VSIG10L2: variants seen among roughly 807,000 people sequenced by gnomAD.
VSIG10L2 encodes the protein V-set and immunoglobulin domain-containing protein 10-like 2.
VSIG10L2 carries 56 observed loss-of-function variants against 67.1 expected under a neutral mutation model. That is an observed-to-expected ratio of 0.83 (90% CI 0.67 to 1.04). The LOEUF is 1.04. Among genes scored for constraint, VSIG10L2 ranks in the 50% least tolerant of loss-of-function variants. The pLI is 0.00. For missense variants in VSIG10L2, 843 were observed against 932.8 expected, an observed-to-expected ratio of 0.90 and a Z score of 1.25; for synonymous variants, 360 against 396.6, an observed-to-expected ratio of 0.91 and a Z score of 1.10.
At chr11:125,952,542 T>C (rs1054172453) in intron 6 of VSIG10L2, among the ~76,000 whole-genome samples, 4 of 152,254 alleles carry the variant, frequency 2.6e-5, no homozygotes, top group African/African-American at 7.2e-5. Context: ...TTGACGTGGC[T>C]GGTCACTACA....
chr11:125,951,681 G>A, intron 5 of VSIG10L2, 132 bp from the exon 6 acceptor site: 1 of 869,252 alleles, frequency 1.2e-6, no homozygotes, highest in South Asian at 1.8e-5. Flanking sequence ...AATGATGAGT[G>A]TGTGAATGAG....
rs896954221 is a variant in VSIG10L2 at position 125,948,443 on chromosome 11, G to C, written c.572G>C (p.Gly191Ala). The C allele has an allele frequency of 1.3e-5, 16 of 1,232,470 alleles. No individual in the cohort carries two copies. The highest frequency in any genetic ancestry group is 1.6e-5 in the Non-Finnish European group (16 of 988,212). 76.3% of individuals were successfully genotyped at this position (1,232,470 alleles called of 1,614,324 possible). Residue 191 changes from glycine to alanine, a missense_variant, in exon 3 of 12, where the codon GGA becomes GCA. Physicochemically the swap from Gly to Ala is moderately conservative, Grantham distance 60. Around this residue, in one of 2 missense-constraint regions of VSIG10L2, gnomAD observed 446 missense variants for 548.4 expected, o/e 0.81. Transcript: ENST00000686984. ...AWQHRAPRGL[G>A]EALVGVTEPL... is the part of the protein sequence containing the mutation. ...CAGCATCGGGCACCCCGAGGCCTTG[G>C]AGAGGCCCTGGTGGGGGTCACTGAG...
intron 8 of VSIG10L2, among the ~76,000 whole-genome samples, chr11:125,954,644 G>A (rs1437707001): frequency 6.6e-6 from 1 of 152,146 alleles, no homozygotes; most frequent in African/African-American, 2.4e-5. Context: ...TAGAGAGGAA[G>A]GAAAAGGTGC....
intron 1 of VSIG10L2, 83 bp from the exon 2 acceptor site, chr11:125,947,601 CAA>C: frequency 1.6e-6 from 2 of 1,231,594 alleles, no homozygotes; most frequent in Non-Finnish European, 2.0e-6. Flanking sequence ...ACTGCAGAAC[CAA>C]AAAGAGAGGC....
In VSIG10L2 at chr11:125,955,583, C is replaced by T. The variant is rs1163544903; in HGVS notation, c.2232-32C>T. The T allele has an allele frequency of 4.0e-6, 6 of 1,514,234 alleles. No individual in the cohort carries two copies. In the African/African-American group the frequency reaches 5.5e-5, roughly 14 times the overall value. The allele number at this position is 1,514,234 out of a possible 1,614,324, so 93.8% of individuals were successfully genotyped here. ...AAAGGAAAGCGAGGGAAGTGAGTTG[C>T]CACTAACTTTACTCTCCCACTTCAC... On this transcript the variant is annotated intron_variant, in intron 10 of 11. Transcript: ENST00000686984.
chr11:125,947,070 A>G (rs1055979890), intron 1 of VSIG10L2, among the ~76,000 whole-genome samples: 1 of 152,084 alleles, frequency 6.6e-6, no homozygotes, highest in Non-Finnish European at 1.5e-5. Flanking sequence ...TGGGGGGCTC[A>G]TTTGTCCTTG....
chr11:125,953,855 G>A (rs779468391), intron 7 of VSIG10L2, among the ~76,000 whole-genome samples, 165 bp downstream of exon 7: 5 of 152,206 alleles, frequency 3.3e-5, no homozygotes, highest in Non-Finnish European at 5.9e-5. Flanking sequence ...GGCAACATGC[G>A]CGTGAATCTG....
intron 7 of VSIG10L2, 74 bp from the exon 8 acceptor site, chr11:125,954,013 G>C (rs1346553404): frequency 8.4e-7 from 1 of 1,192,544 alleles, no homozygotes; most frequent in Non-Finnish European, 1.0e-6. Context: ...CTCTTGACAG[G>C]AGCAAATCTG....
chr11:125,954,540 C>T (rs1431005127), intron 8 of VSIG10L2, among the ~76,000 whole-genome samples, 157 bp downstream of exon 8: 1 of 152,192 alleles, frequency 6.6e-6, no homozygotes, highest in Non-Finnish European at 1.5e-5. Flanking sequence ...CCACTCTCCC[C>T]TCAGATAATC....
At position 125,952,005 on chromosome 11, in the gene VSIG10L2, G is replaced by A; in HGVS notation, c.1427G>A (p.Gly476Asp). The stretch of plus-strand genomic sequence containing the variant: ...CTGCAGGCCCAAGAAGATCTGGCTG[G>A]CAGAGAGTTCACCTGCCGGGGCACT... ...HLLQAQEDLAGREFTCRGTHL... is the reference protein window; with the variant it reads ...HLLQAQEDLADREFTCRGTHL... Residue 476 changes from glycine to aspartate, a missense_variant, in exon 6 of 12, where the codon GGC (glycine) becomes GAC (aspartate). By Grantham distance (94) the Gly-to-Asp change is moderately conservative (BLOSUM62 -1). This residue lies in a region of VSIG10L2 where 397 missense variants were observed against 384.4 expected (regional missense o/e 1.03). Coordinates refer to ENST00000686984, the MANE Select transcript of VSIG10L2 (RefSeq NM_001365077.2). The A allele has an allele frequency of 6.5e-7, 1 of 1,536,142 alleles. No individual in the cohort carries two copies. The highest frequency in any genetic ancestry group is 8.7e-7 in the Non-Finnish European group (1 of 1,146,890).
intron 11 of VSIG10L2, 43 bp downstream of exon 11, chr11:125,955,710 A>T (rs1188898600): frequency 6.7e-7 from 1 of 1,492,716 alleles, no homozygotes; most frequent in East Asian, 2.5e-5. Context: ...GTACAAGGAG[A>T]CCAGTGCTGG....
rs1565476629 is a variant in VSIG10L2, at chr11:125,950,912, C to T, written c.988C>T (p.Pro330Ser). ...GCCTCACCCACTTCCCCATCCAGATCCCCCTGAGGGACAGCCCTCCTGTGC... is the reference window on the plus strand; with the variant it reads ...GCCTCACCCACTTCCCCATCCAGATTCCCCTGAGGGACAGCCCTCCTGTGC... ...QTTVQLTIYY[P>S]PEGQPSCAVH... The change falls in exon 5 of 12, where the codon CCC becomes TCC. Residue 330 changes from proline (P) to serine (S), a missense_variant and splice_region_variant. Pro to Ser is a moderately conservative substitution (Grantham distance 74). Coordinates refer to ENST00000686984, the MANE Select transcript of VSIG10L2 (RefSeq NM_001365077.2). 8 of 1,232,590 alleles carry T rather than the reference C, an allele frequency of 6.5e-6. No homozygotes were observed. In the South Asian group the frequency reaches 2.1e-4, roughly 32 times the overall value. The allele number at this position is 1,232,590 out of a possible 1,614,324, so 76.4% of individuals were successfully genotyped here.
Position 125,951,977 on chromosome 11 carries a change from C to T in VSIG10L2, c.1399C>T (p.Leu467Phe), listed in dbSNP as rs1177850652. 6.5e-7 allele frequency: 1 copy of T among 1,535,990 alleles called. No individual in the cohort carries two copies. The highest frequency in any genetic ancestry group is 2.0e-5 in the Admixed American group (1 of 50,984). Residue 467 changes from leucine to phenylalanine, a missense_variant, in exon 6 of 12, where the codon CTC (leucine) becomes TTC (phenylalanine). Physicochemically the swap from Leu to Phe is conservative, Grantham distance 22. This residue lies in a region of VSIG10L2 where 446 missense variants were observed against 548.4 expected (regional missense o/e 0.81). Transcript: ENST00000686984. ...GGSSSSMAVHLLQAQEDLAGR... is the reference protein window; with the variant it reads ...GGSSSSMAVHFLQAQEDLAGR... ...CAGCAGCTCCTCGATGGCCGTTCAC[C>T]TCCTGCAGGCCCAAGAAGATCTGGC...
rs1283437925 is a variant in VSIG10L2, at chr11:125,953,608, G to A, written c.1704G>A (p.Pro568=). 5.7e-6 allele frequency: 7 copies of A among 1,232,060 alleles called. No homozygotes were observed. Among genetic ancestry groups the A allele is most frequent in the African/African-American group, 3.1e-5 (2 of 64,422 alleles). The allele number at this position is 1,232,060 out of a possible 1,614,324, so 76.3% of individuals were successfully genotyped here. A position where few individuals can be genotyped will look rare whatever the true frequency, so the allele number is the denominator to read the frequency against. Residue 568 remains proline (P), a synonymous_variant, in exon 7 of 12, where the codon CCG becomes CCA. Coordinates refer to ENST00000686984, the MANE Select transcript of VSIG10L2 (RefSeq NM_001365077.2). Reference sequence around the variant, plus strand: ...GCCTGGGCATCTACGATGCTGACCCGGCACACCACAGGGGCACCTACCAAT... The same window carrying A: ...GCCTGGGCATCTACGATGCTGACCCAGCACACCACAGGGGCACCTACCAAT... ...QLRLGIYDAD[P]AHHRGTYQCV... is the part of the protein sequence containing the mutation.
intron 7 of VSIG10L2, 119 bp downstream of exon 7, chr11:125,953,809 C>T (rs1945411575): frequency 1.5e-5 from 15 of 996,358 alleles, no homozygotes; most frequent in Non-Finnish European, 1.6e-5. Flanking sequence ...GACGCTTGAG[C>T]TTCCTTGGGC....
At position 125,946,054 on chromosome 11, in the gene VSIG10L2, C is replaced by T; in HGVS notation, c.-2C>T. The T allele has an allele frequency of 2.5e-6, 1 of 399,226 alleles. No homozygotes were observed. Among genetic ancestry groups the T allele is most frequent in the Non-Finnish European group, 4.4e-6 (1 of 226,342 alleles). 24.7% of individuals were successfully genotyped at this position (399,226 alleles called of 1,614,324 possible). A position where few individuals can be genotyped will look rare whatever the true frequency, so the allele number is the denominator to read the frequency against. On this transcript the variant is annotated 5_prime_UTR_variant, in exon 1 of 12. Coordinates refer to ENST00000686984, the MANE Select transcript of VSIG10L2 (RefSeq NM_001365077.2). This position sits in a 1 kb window ranked among gnomAD's most constrained non-coding sequence, Gnocchi z 4.4. ...GTGGGTGGCCATCAGGGAGATGGGG[C>T]CATGGTGGGTCAGAGGGCCCAGCAC...
Position 125,951,933 on chromosome 11 carries a change from A to AGCAGCAGCCCCTGGGCG in VSIG10L2, c.1364_1380dup (p.Ser461ProfsTer141). The AGCAGCAGCCCCTGGGCG allele has an allele frequency of 6.5e-7, 1 of 1,536,036 alleles. No individual in the cohort carries two copies. Among genetic ancestry groups the AGCAGCAGCCCCTGGGCG allele is most frequent in the Non-Finnish European group, 8.7e-7 (1 of 1,146,828 alleles). ...GCCACGCTGGGCTGGCTTGACGAAC[A>AGCAGCAGCCCCTGGGCG]GCAGCAGCCCCTGGGCGGCAGCAGC... is the stretch of plus-strand genomic sequence containing the variant. On this transcript the variant is annotated frameshift_variant, in exon 6 of 12. Coordinates refer to ENST00000686984, the MANE Select transcript of VSIG10L2 (RefSeq NM_001365077.2). LOFTEE classifies it high-confidence loss of function.
intron 4 of VSIG10L2, 48 bp downstream of exon 4, chr11:125,950,337 C>G (rs975905774): frequency 8.1e-7 from 1 of 1,231,806 alleles, no homozygotes; most frequent in African/African-American, 1.6e-5. Context: ...GGGGACAACT[C>G]ACGCTGGAGC....
Position 125,956,010 on chromosome 11 carries a change from A to G in VSIG10L2, c.*96A>G. 1 of 656,266 alleles carries G rather than the reference A, an allele frequency of 1.5e-6. No homozygotes were observed. Among genetic ancestry groups the G allele is most frequent in the Non-Finnish European group, 2.7e-6 (1 of 363,904 alleles). 40.7% of individuals were successfully genotyped at this position (656,266 alleles called of 1,614,324 possible). A position where few individuals can be genotyped will look rare whatever the true frequency, so the allele number is the denominator to read the frequency against. On this transcript the variant is annotated 3_prime_UTR_variant, in exon 12 of 12. Transcript: ENST00000686984. ...CTTTGGTCATAAAACCAACGTAGCT[A>G]AGACACCAACTACCACTTTCACTTA...
Sources: gnomAD v4.1 joint callset for allele counts (sites outside exome capture counted in the v4.1 genomes callset) on GRCh38, gnomAD v4.1.1 for gene constraint, gnomAD v4.1.1 regional missense constraint, Gnocchi (gnomAD v3.1) non-coding constraint, MANE v1.5 for transcripts, NCBI Gene and HGNC (gene_info 2026-07-23, HGNC 2026-07-21) for gene names.